MSANTD4: variants seen among roughly 807,000 people sequenced by gnomAD.
MSANTD4 encodes the protein myb/SANT-like DNA-binding domain-containing protein 4.
Under a neutral mutation model 34.3 loss-of-function variants are expected in MSANTD4, and 13 were observed. The ratio of observed to expected loss-of-function variants is 0.38; its 90% CI spans 0.25 to 0.60. MSANTD4 has a LOEUF of 0.60. Ranked by LOEUF, MSANTD4 falls within the 20% of genes least tolerant of loss-of-function variation. The pLI, the probability that MSANTD4 is intolerant of heterozygous loss-of-function variation, is 0.63. For synonymous variants in MSANTD4, 137 were observed against 145.2 expected (o/e 0.94, Z 0.41); for missense variants, 358 against 401.8 (o/e 0.89, Z 0.93).
chr11:106,010,134 TTTCAGTA>T (rs1210535419), intron 2 of MSANTD4, 24 bp from the exon 3 acceptor site: 2 of 1,524,948 alleles, frequency 1.3e-6, no homozygotes, highest in Non-Finnish European at 1.8e-6. Context: ...GAAAAGCAAT[TTTCAGTA>T]TTGACTTCTA....
Position 106,009,357 on chromosome 11 carries a change from C to G in MSANTD4, c.*178G>C, listed in dbSNP as rs1188584327. 1.6e-6 allele frequency: 1 copy of G among 606,718 alleles called. No homozygotes were observed. Among genetic ancestry groups the G allele is most frequent in the African/African-American group, 1.9e-5 (1 of 53,986 alleles). The allele number at this position is 606,718 out of a possible 1,614,324, so 37.6% of individuals were successfully genotyped here. ...CAGTAAGTTTCTGCTATACTGTTTA[C>G]GCTAGGGCACAGCTTTTATATACTA... is the stretch of plus-strand genomic sequence containing the variant. On this transcript the variant is annotated 3_prime_UTR_variant, in exon 3 of 3. Transcript: ENST00000301919.
chr11:106,017,972 C>A (rs1325554794), intron 1 of MSANTD4, among the ~76,000 whole-genome samples: 1 of 152,044 alleles, frequency 6.6e-6, no homozygotes, highest in Admixed American at 6.5e-5. Context: ...TTCAGGTCTG[C>A]GGTGGGGCCT....
rs1211316304 is a variant in MSANTD4, at chr11:106,010,816, C to T, written c.102G>A (p.Lys34=). ...ITKRKEVIFS[K]QLNTTINVMK... Reference sequence around the variant, plus strand: ...TCACATTAATTGTTGTATTGAGCTGCTTGGAAAAAATGACTTCTTTCCTTT... The same window carrying T: ...TCACATTAATTGTTGTATTGAGCTGTTTGGAAAAAATGACTTCTTTCCTTT... Residue 34 remains lysine (K), a synonymous_variant, in exon 2 of 3, where the codon AAG becomes AAA. Coordinates refer to ENST00000301919, the MANE Select transcript of MSANTD4 (RefSeq NM_032424.3). The T allele has an allele frequency of 1.2e-6, 2 of 1,613,878 alleles. No individual in the cohort carries two copies. The highest frequency in any genetic ancestry group is 1.7e-5 in the Admixed American group (1 of 59,978).
At chr11:106,014,120 G>A (rs1010419176) in intron 1 of MSANTD4, among the ~76,000 whole-genome samples, 8 of 152,054 alleles carry the variant, frequency 5.3e-5, no homozygotes. Context: ...CACTTAACTT[G>A]GGCTATTTTT....
chr11:106,015,637 C>T (rs1859823205), intron 1 of MSANTD4, among the ~76,000 whole-genome samples: 1 of 152,018 alleles, frequency 6.6e-6, no homozygotes, highest in Admixed American at 6.6e-5. Flanking sequence ...CACATTCAGC[C>T]ATGTCATGTT....
chr11:106,017,782 TATGA>T (rs750053201), intron 1 of MSANTD4, among the ~76,000 whole-genome samples: 4 of 152,178 alleles, frequency 2.6e-5, no homozygotes, highest in Non-Finnish European at 2.9e-5. Flanking sequence ...ATGACGTGCA[TATGA>T]ATGATTCTAA....
At chr11:106,012,687 C>T (rs567290706) in intron 1 of MSANTD4, among the ~76,000 whole-genome samples, 7 of 152,174 alleles carry the variant, frequency 4.6e-5, no homozygotes, top group Non-Finnish European at 1.0e-4. Flanking sequence ...AGACTGGGAA[C>T]TCTCGAAGTG....
At chr11:106,015,563 G>T (rs1859821144) in intron 1 of MSANTD4, among the ~76,000 whole-genome samples, 1 of 152,202 alleles carries the variant, frequency 6.6e-6, no homozygotes, top group South Asian at 2.1e-4. Flanking sequence ...CTTACATTAG[G>T]AGTGTGGTGG....
At chr11:106,015,866 T>C (rs1195036156) in intron 1 of MSANTD4, among the ~76,000 whole-genome samples, 1 of 152,124 alleles carries the variant, frequency 6.6e-6, no homozygotes, top group African/African-American at 2.4e-5. Flanking sequence ...ATGCTTATAA[T>C]TTTATTTTAT....
Position 106,009,849 on chromosome 11 carries a change from GC to G in MSANTD4, c.723del (p.His242IlefsTer2), listed in dbSNP as rs1565386655. ...AGCCGCTCATGTTCCATGTCTAAAT[GC>G]CGCAGCCTCTCTTTCTCGATTTGTA... ...ERLQIEKERL[R>X]HLDMEHERLQ... On this transcript the variant is annotated frameshift_variant, in exon 3 of 3. Transcript: ENST00000301919. LOFTEE classifies it high-confidence loss of function. 1 of 1,613,940 alleles carries G rather than the reference GC, an allele frequency of 6.2e-7. No individual in the cohort carries two copies. The highest frequency in any genetic ancestry group is 8.5e-7 in the Non-Finnish European group (1 of 1,179,994).
intron 1 of MSANTD4, among the ~76,000 whole-genome samples, chr11:106,016,448 C>T (rs191734679): frequency 6.6e-6 from 1 of 152,258 alleles, no homozygotes; most frequent in African/African-American, 2.4e-5. Context: ...TACAATCTGC[C>T]CCACCTCTAA....
rs1312421573 is a variant in MSANTD4 at position 106,014,757 on chromosome 11, T to C, written c.-150-3690A>G. On this transcript the variant is annotated intron_variant, in intron 1 of 2. Coordinates refer to ENST00000301919, the MANE Select transcript of MSANTD4 (RefSeq NM_032424.3). ...CTGACTTTGTACGTGTCTAATAACA[T>C]CAACAAATATATGCCCATCACCACA... Among the ~76,000 whole-genome samples, 3 of 152,228 alleles carry C rather than the reference T, an allele frequency of 2.0e-5. No homozygotes were observed. In the East Asian group the frequency reaches 5.8e-4, roughly 29 times the overall value.
Position 106,010,556 on chromosome 11 carries a change from G to T in MSANTD4, c.362C>A (p.Ala121Glu), listed in dbSNP as rs1168411497. The change falls in exon 2 of 3, where the codon GCA becomes GAA. Residue 121 changes from alanine (A) to glutamate (E), a missense_variant. By Grantham distance (107) the Ala-to-Glu change is moderately radical. Around this residue, in one of 2 missense-constraint regions of MSANTD4, gnomAD observed 312 missense variants for 317.6 expected, o/e 0.98. Transcript: ENST00000301919. Reference sequence around the variant, plus strand: ...TGCCACATTTTGCCAGTCAAAATTTGCATCATTTCGGAATCCAATCTTTTC... The same window carrying T: ...TGCCACATTTTGCCAGTCAAAATTTTCATCATTTCGGAATCCAATCTTTTC... ...IDEKIGFRNDANFDWQNVADF... is the reference protein window; with the variant it reads ...IDEKIGFRNDENFDWQNVADF... 2 of 1,614,128 alleles carry T rather than the reference G, an allele frequency of 1.2e-6. No individual in the cohort carries two copies. The highest frequency in any genetic ancestry group is 1.7e-6 in the Non-Finnish European group (2 of 1,180,018).
intron 1 of MSANTD4, among the ~76,000 whole-genome samples, chr11:106,014,464 C>T (rs1466049373): frequency 2.0e-5 from 3 of 152,128 alleles, no homozygotes; most frequent in African/African-American, 7.2e-5. Flanking sequence ...ACTCTGTCTG[C>T]CAATTTAAAC....
chr11:106,011,156 CA>C (rs376163779), intron 1 of MSANTD4, 89 bp from the exon 2 acceptor site: 6 of 557,888 alleles, frequency 1.1e-5, no homozygotes, highest in African/African-American at 9.6e-5. Context: ...TTAAGAGAAA[CA>C]AAAAACAACC....
At chr11:106,017,972 C>G (rs1325554794) in intron 1 of MSANTD4, among the ~76,000 whole-genome samples, 1 of 152,044 alleles carries the variant, frequency 6.6e-6, no homozygotes, top group Non-Finnish European at 1.5e-5. Flanking sequence ...TTCAGGTCTG[C>G]GGTGGGGCCT....
Position 106,010,436 on chromosome 11 carries a change from G to T in MSANTD4, c.462+20C>A. Reference sequence around the variant, plus strand: ...TCAGAATTGAAAAGATTAAAAGAGGGTACAGAGGCTAATACTTACTTCAGG... The same window carrying T: ...TCAGAATTGAAAAGATTAAAAGAGGTTACAGAGGCTAATACTTACTTCAGG... On this transcript the variant is annotated intron_variant, in intron 2 of 2. Transcript: ENST00000301919. 6.3e-7 allele frequency: 1 copy of T among 1,589,182 alleles called. No homozygotes were observed.
At chr11:106,019,294 A>T (rs1859957200) in intron 1 of MSANTD4, among the ~76,000 whole-genome samples, 2 of 152,246 alleles carry the variant, frequency 1.3e-5, no homozygotes, top group Non-Finnish European at 2.9e-5. Context: ...CCCTATATGT[A>T]ATTTTAAATC....
At chr11:106,015,392 C>T (rs1859817167) in intron 1 of MSANTD4, among the ~76,000 whole-genome samples, 1 of 152,176 alleles carries the variant, frequency 6.6e-6, no homozygotes, top group South Asian at 2.1e-4. Context: ...GTTCCTGGTG[C>T]ACATTAAGCA....
Sources: gnomAD v4.1 joint callset for allele counts (sites outside exome capture counted in the v4.1 genomes callset) on GRCh38, gnomAD v4.1.1 for gene constraint, gnomAD v4.1.1 regional missense constraint, MANE v1.5 for transcripts, NCBI Gene and HGNC (gene_info 2026-07-23, HGNC 2026-07-21) for gene names.